The following EPS15 variants were observed in gnomAD, a reference collection of about 807,000 sequenced individuals.
The protein encoded by EPS15 is epidermal growth factor receptor substrate 15.
EPS15 carries 72 observed loss-of-function variants against 113.8 expected under a neutral mutation model. That is an observed-to-expected ratio of 0.63 (90% CI 0.52 to 0.77). The LOEUF is 0.77. EPS15 is among the 30% of genes least tolerant of loss of function. The pLI is 0.00. For synonymous variants in EPS15, 344 were observed against 363.4 expected (o/e 0.95, Z 0.61); for missense variants, 1,048 against 1,045.8 (o/e 1.00, Z -0.03).
chr1:51,415,972 A>G (rs1650186535), intron 13 of EPS15, among the ~76,000 whole-genome samples: 1 of 152,110 alleles, frequency 6.6e-6, no homozygotes, highest in African/African-American at 2.4e-5. Flanking sequence ...TTGTAAGGCT[A>G]CCACCATCAC....
intron 1 of EPS15, among the ~76,000 whole-genome samples, chr1:51,508,789 G>C (rs1302637756): frequency 6.6e-6 from 1 of 151,936 alleles, no homozygotes; most frequent in East Asian, 1.9e-4. Flanking sequence ...ACAAAAAAAA[G>C]ATAAAACAAG....
At chr1:51,452,181 A>G (rs957925293) in intron 8 of EPS15, among the ~76,000 whole-genome samples, 6 of 151,958 alleles carry the variant, frequency 3.9e-5, no homozygotes, top group African/African-American at 1.4e-4. Context: ...CACTGAGCCC[A>G]GTCTCTTGTT....
At chr1:51,505,422 G>A (rs1351644345) in intron 1 of EPS15, among the ~76,000 whole-genome samples, 2 of 152,208 alleles carry the variant, frequency 1.3e-5, no homozygotes, top group East Asian at 1.9e-4. Context: ...GCAGTCATAA[G>A]AGTATATGTA....
intron 1 of EPS15, chr1:51,490,392 C>T: frequency 8.6e-6 from 3 of 347,150 alleles, no homozygotes; most frequent in South Asian, 2.0e-5. Flanking sequence ...GGTGAAACCC[C>T]ATCTCTACTA....
At chr1:51,364,515 A>C (rs1450769205) in intron 22 of EPS15, among the ~76,000 whole-genome samples, 2 of 137,894 alleles carry the variant, frequency 1.5e-5, no homozygotes, top group African/African-American at 2.9e-5. Flanking sequence ...TTTTTTTTTT[A>C]ATTTAAAAGG....
At chr1:51,492,578 T>A (rs993462367) in intron 1 of EPS15, among the ~76,000 whole-genome samples, 1 of 152,176 alleles carries the variant, frequency 6.6e-6, no homozygotes, top group Admixed American at 6.5e-5. Flanking sequence ...CAGTTTTTAA[T>A]TGAATACAAC....
chr1:51,409,996 C>T (rs1364280043), intron 13 of EPS15, among the ~76,000 whole-genome samples: 1 of 151,650 alleles, frequency 6.6e-6, no homozygotes, highest in East Asian at 1.9e-4. Flanking sequence ...CTCAATCTTT[C>T]CCCTCTCAGA....
intron 21 of EPS15, among the ~76,000 whole-genome samples, chr1:51,386,025 A>C (rs1386000917): frequency 6.6e-6 from 1 of 152,206 alleles, no homozygotes; most frequent in African/African-American, 2.4e-5. Context: ...AAAGGTTAAA[A>C]TGCCAAACTT....
intron 21 of EPS15, among the ~76,000 whole-genome samples, chr1:51,379,676 G>A (rs191624101): frequency 4.8e-4 from 73 of 152,026 alleles, no homozygotes; most frequent in African/African-American, 1.4e-3. Flanking sequence ...CAGCACTTTC[G>A]GAGGCCAAGG....
intron 1 of EPS15, among the ~76,000 whole-genome samples, chr1:51,506,120 C>T (rs1397438305): frequency 6.6e-6 from 1 of 152,184 alleles, no homozygotes; most frequent in Non-Finnish European, 1.5e-5. Context: ...CTCCTGACCT[C>T]AGGTGATCCT....
chr1:51,361,444 T>G (rs1162528003), intron 23 of EPS15, 89 bp from the exon 24 acceptor site: 2 of 988,322 alleles, frequency 2.0e-6, no homozygotes, highest in African/African-American at 3.2e-5. Context: ...ATTAAAGTAC[T>G]GTGGGTAGAG....
At chr1:51,515,054 G>A (rs1186914516) in intron 1 of EPS15, among the ~76,000 whole-genome samples, 3 of 152,008 alleles carry the variant, frequency 2.0e-5, no homozygotes, top group Admixed American at 6.6e-5. Context: ...CTTGTACTGC[G>A]TACTTGTTTA....
intron 16 of EPS15, among the ~76,000 whole-genome samples, chr1:51,405,674 G>C (rs1649043099): frequency 6.6e-6 from 1 of 150,900 alleles, no homozygotes. Context: ...CTCCAGCCTG[G>C]GCAACAAGAG....
intron 23 of EPS15, 57 bp downstream of exon 23, chr1:51,363,809 C>A (rs2148348080): frequency 6.6e-7 from 1 of 1,525,076 alleles, no homozygotes; most frequent in South Asian, 1.3e-5. Flanking sequence ...CCGCACAATA[C>A]TTTTCAGAAA....
At chr1:51,371,937 C>T (rs557202750) in intron 21 of EPS15, among the ~76,000 whole-genome samples, 8 of 152,230 alleles carry the variant, frequency 5.3e-5, no homozygotes, top group African/African-American at 1.2e-4. Context: ...CTTACCATTG[C>T]GTTACAACTG....
chr1:51,469,588 G>A (rs138741009), intron 4 of EPS15, among the ~76,000 whole-genome samples: 146 of 152,158 alleles, frequency 9.6e-4, no homozygotes, highest in African/African-American at 3.2e-3. Flanking sequence ...TAGTATAGTC[G>A]CTGATGTAAT....
At chr1:51,443,700 G>C (rs1014769350) in intron 11 of EPS15, among the ~76,000 whole-genome samples, 1 of 151,438 alleles carries the variant, frequency 6.6e-6, no homozygotes, top group African/African-American at 2.4e-5. Context: ...CCCGGCTGGA[G>C]TGTAGCAGTT....
chr1:51,420,571 C>A (rs762674449), intron 13 of EPS15, among the ~76,000 whole-genome samples: 9 of 152,100 alleles, frequency 5.9e-5, no homozygotes, highest in Non-Finnish European at 8.8e-5. Context: ...GGCTCTTTTG[C>A]ATTTCCTAAG....
intron 13 of EPS15, among the ~76,000 whole-genome samples, chr1:51,418,253 A>C (rs1650423507): frequency 1.3e-5 from 2 of 152,128 alleles, no homozygotes; most frequent in Admixed American, 6.6e-5. Context: ...GTTATGGAGA[A>C]GGAAAGAAAG....
Sources: allele counts gnomAD v4.1 joint callset (sites outside exome capture counted in the v4.1 genomes callset), GRCh38; gene constraint gnomAD v4.1.1; transcripts MANE v1.5; gene names NCBI Gene and HGNC (gene_info 2026-07-23, HGNC 2026-07-21).